UNC5C: variants seen among roughly 807,000 people sequenced by gnomAD.
UNC5C encodes netrin receptor UNC5C.
A neutral mutation model predicts 99.8 loss-of-function variants in UNC5C; 47 were observed. The ratio of observed to expected loss-of-function variants is 0.47; its 90% CI spans 0.37 to 0.60. UNC5C has a LOEUF of 0.60. Among genes scored for constraint, UNC5C ranks in the 20% least tolerant of loss-of-function variants. The pLI, the probability that UNC5C is intolerant of heterozygous loss-of-function variation, is 0.00. For synonymous variants in UNC5C, 487 were observed against 452.2 expected, an observed-to-expected ratio of 1.08 and a Z score of -0.98; for missense variants, 1,062 against 1,165.9, an observed-to-expected ratio of 0.91 and a Z score of 1.30.
intron 4 of UNC5C, among the ~76,000 whole-genome samples, chr4:95,276,820 T>C (rs1740878595): frequency 6.6e-6 from 1 of 152,066 alleles, no homozygotes; most frequent in African/African-American, 2.4e-5. Flanking sequence ...TGGCATGAGA[T>C]GCCAAATTAA....
At chr4:95,454,948 G>A (rs1311729667) in intron 1 of UNC5C, among the ~76,000 whole-genome samples, 2 of 151,970 alleles carry the variant, frequency 1.3e-5, no homozygotes, top group Non-Finnish European at 2.9e-5. Context: ...AAGACATTAA[G>A]AGGTATATAT....
At chr4:95,424,513 C>CTTTTATTTTTTTTTTTTTT (rs1746409640) in intron 1 of UNC5C, among the ~76,000 whole-genome samples, 1 of 85,026 alleles carries the variant, frequency 1.2e-5, no homozygotes, top group East Asian at 5.4e-4. Flanking sequence ...TTTTTTTTTT[C>CTTTTATTTTTTTTTTTTTT]TTTTCTTTTT....
At chr4:95,431,107 C>G (rs1374822530) in intron 1 of UNC5C, among the ~76,000 whole-genome samples, 1 of 152,034 alleles carries the variant, frequency 6.6e-6, no homozygotes, top group Non-Finnish European at 1.5e-5. Context: ...CCCTCTCATA[C>G]CCCATGCACT....
intron 14 of UNC5C, among the ~76,000 whole-genome samples, chr4:95,180,089 A>C (rs1013398386): frequency 2.0e-5 from 3 of 152,204 alleles, no homozygotes; most frequent in African/African-American, 7.2e-5. Flanking sequence ...AAAATGGTGA[A>C]CATAGATTAA....
intron 1 of UNC5C, among the ~76,000 whole-genome samples, chr4:95,436,370 A>G (rs146948285): frequency 6.6e-6 from 1 of 152,164 alleles, no homozygotes; most frequent in African/African-American, 2.4e-5. Flanking sequence ...TTGAAGCTAG[A>G]AAAGATTCCT....
intron 1 of UNC5C, among the ~76,000 whole-genome samples, chr4:95,427,507 T>G (rs1413726166): frequency 6.6e-6 from 1 of 152,194 alleles, no homozygotes; most frequent in Non-Finnish European, 1.5e-5. Flanking sequence ...CAACCCAGTC[T>G]TCAACAACCT....
intron 4 of UNC5C, among the ~76,000 whole-genome samples, chr4:95,252,291 T>G (rs550678023): frequency 6.6e-6 from 1 of 152,314 alleles, no homozygotes; most frequent in African/African-American, 2.4e-5. Context: ...CTAGGTTATC[T>G]ATGCCCTTCT....
At chr4:95,330,305 A>T (rs1334820139) in intron 2 of UNC5C, among the ~76,000 whole-genome samples, 1 of 152,052 alleles carries the variant, frequency 6.6e-6, no homozygotes, top group Non-Finnish European at 1.5e-5. Flanking sequence ...TTTTTAATAA[A>T]ATGATGGTGA....
At chr4:95,468,416 A>C (rs978159149) in intron 1 of UNC5C, among the ~76,000 whole-genome samples, 1 of 152,036 alleles carries the variant, frequency 6.6e-6, no homozygotes, top group Non-Finnish European at 1.5e-5. Context: ...TTAGCTATTG[A>C]ATTTCTCCAA....
At chr4:95,199,198 G>GGA (rs957131586) in intron 12 of UNC5C, among the ~76,000 whole-genome samples, 7 of 152,142 alleles carry the variant, frequency 4.6e-5, no homozygotes, top group African/African-American at 1.7e-4. Context: ...TAGCGAGATG[G>GGA]GAGAGAGTAT....
rs1745840546 is a variant in UNC5C at position 95,406,699 on chromosome 4, A to G, written c.125-71068T>C. ...ACTCATTCTTTATTTCCAAGTTTAA[A>G]TTTCTGAGTATAATTTATAGAGCAA... On this transcript the variant is annotated intron_variant, in intron 1 of 15. Coordinates refer to ENST00000453304, the MANE Select transcript of UNC5C (RefSeq NM_003728.4). Among the ~76,000 whole-genome samples, 3 of 152,220 alleles carry G rather than the reference A, an allele frequency of 2.0e-5. No individual in the cohort carries two copies. The South Asian group carries it at 6.2e-4, about 31-fold the overall frequency.
At chr4:95,542,005 A>G (rs1722933477) in intron 1 of UNC5C, among the ~76,000 whole-genome samples, 1 of 152,150 alleles carries the variant, frequency 6.6e-6, no homozygotes, top group Non-Finnish European at 1.5e-5. Flanking sequence ...GGTCATCTAC[A>G]TGAGGCATTT....
At chr4:95,198,917 C>G (rs537015398) in intron 12 of UNC5C, among the ~76,000 whole-genome samples, 1 of 152,244 alleles carries the variant, frequency 6.6e-6, no homozygotes, top group Admixed American at 6.5e-5. Flanking sequence ...GATAATAGCT[C>G]TTAACTTTGG....
intron 1 of UNC5C, among the ~76,000 whole-genome samples, chr4:95,430,883 G>A (rs1746617905): frequency 6.6e-6 from 1 of 152,032 alleles, no homozygotes; most frequent in Non-Finnish European, 1.5e-5. Context: ...GTGGTGTTTA[G>A]CAGGATGTTT....
At chr4:95,183,802 T>C (rs1736714612) in intron 13 of UNC5C, among the ~76,000 whole-genome samples, 1 of 152,216 alleles carries the variant, frequency 6.6e-6, no homozygotes, top group East Asian at 1.9e-4. Flanking sequence ...TTATTTCGCT[T>C]ACTTGATAAC....
At chr4:95,191,411 A>C (rs1579214904) in intron 12 of UNC5C, among the ~76,000 whole-genome samples, 1 of 152,220 alleles carries the variant, frequency 6.6e-6, no homozygotes, top group East Asian at 1.9e-4. Context: ...GTCCAGGCTG[A>C]AGCTGGGTTA....
intron 15 of UNC5C, 111 bp downstream of exon 15, chr4:95,170,043 A>T: frequency 7.2e-7 from 1 of 1,398,318 alleles, no homozygotes; most frequent in Non-Finnish European, 9.7e-7. Flanking sequence ...ATGAAAAATT[A>T]AATAGATGTG....
At chr4:95,264,241 A>G (rs1740349732) in intron 4 of UNC5C, among the ~76,000 whole-genome samples, 1 of 152,228 alleles carries the variant, frequency 6.6e-6, no homozygotes, top group Non-Finnish European at 1.5e-5. Context: ...CGTGTTAGCA[A>G]CTAGGAAAAA....
intron 14 of UNC5C, among the ~76,000 whole-genome samples, chr4:95,174,551 T>C (rs1736257202): frequency 6.6e-6 from 1 of 152,136 alleles, no homozygotes; most frequent in Admixed American, 6.5e-5. Flanking sequence ...AGTTGAGCGG[T>C]TTTGAGTGAG....
Sources: gnomAD v4.1 joint callset for allele counts (sites outside exome capture counted in the v4.1 genomes callset) on GRCh38, gnomAD v4.1.1 for gene constraint, MANE v1.5 for transcripts, NCBI Gene and HGNC (gene_info 2026-07-23, HGNC 2026-07-21) for gene names.